Variants in CTNNA2 observed in about 807,000 individuals in gnomAD.
CTNNA2 encodes catenin alpha-2.
CTNNA2 carries 42 observed loss-of-function variants against 101.0 expected under a neutral mutation model. The ratio of observed to expected loss-of-function variants is 0.42; its 90% CI spans 0.32 to 0.54. The LOEUF (loss-of-function observed/expected upper bound fraction) is 0.54, where lower values mean the gene tolerates loss of function less well. CTNNA2 is among the 20% of genes least tolerant of loss of function. CTNNA2 has a pLI of 0.14. For synonymous variants in CTNNA2, 450 were observed against 456.4 expected (o/e 0.99, Z 0.18); for missense variants, 871 against 1,223.1 (o/e 0.71, Z 4.29).
chr2:79,650,113 G>T (rs1681114222), intron 1 of CTNNA2, among the ~76,000 whole-genome samples: 1 of 132,904 alleles, frequency 7.5e-6, no homozygotes, highest in African/African-American at 2.8e-5. Flanking sequence ...TTAGATGTCA[G>T]AATGTATTTA....
chr2:80,100,497 C>T (rs182229594), intron 7 of CTNNA2, among the ~76,000 whole-genome samples: 83 of 152,296 alleles, frequency 5.4e-4, no homozygotes, highest in Admixed American at 1.7e-3. Flanking sequence ...CTTCACAGAA[C>T]GTCTTCAAGC....
intron 9 of CTNNA2, among the ~76,000 whole-genome samples, chr2:80,421,672 AT>A (rs529198634): frequency 6.3e-4 from 96 of 152,088 alleles, no homozygotes; most frequent in African/African-American, 2.3e-3. Flanking sequence ...TATTCCCTTC[AT>A]TTCCCATGGA....
intron 17 of CTNNA2, among the ~76,000 whole-genome samples, chr2:80,611,836 A>G (rs973152722): frequency 4.0e-5 from 6 of 151,662 alleles, no homozygotes; most frequent in African/African-American, 1.4e-4. Flanking sequence ...CAGGAGCTTC[A>G]TTATAACAAT....
intron 7 of CTNNA2, among the ~76,000 whole-genome samples, chr2:80,370,263 T>A (rs1454656087): frequency 6.6e-6 from 1 of 151,808 alleles, no homozygotes; most frequent in Non-Finnish European, 1.5e-5. Flanking sequence ...GGTGTGTGTG[T>A]GTGTGTATGT....
At chr2:79,820,839 T>TA (rs1677942861) in intron 3 of CTNNA2, among the ~76,000 whole-genome samples, 1 of 152,188 alleles carries the variant, frequency 6.6e-6, no homozygotes, top group East Asian at 1.9e-4. Flanking sequence ...ACATTCAATA[T>TA]TTACCTCATC....
chr2:79,537,566 G>A (rs1673147984), intron 1 of CTNNA2, among the ~76,000 whole-genome samples: 1 of 152,104 alleles, frequency 6.6e-6, no homozygotes, highest in South Asian at 2.1e-4. Context: ...AACGGTTAAG[G>A]TATTTTCCCC....
rs191975610 is a variant in CTNNA2 at position 79,191,468 on chromosome 2, C to A, written c.-524+6037C>A. Among the ~76,000 whole-genome samples, 224 of 152,318 alleles carry A rather than the reference C, an allele frequency of 1.5e-3. 2 individuals are homozygous for A. Among genetic ancestry groups the A allele is most frequent in the African/African-American group, 5.1e-3 (211 of 41,570 alleles). On this transcript the variant is annotated intron_variant, in intron 1 of 21. Transcript: ENST00000466387. Reference sequence around the variant, plus strand: ...ATCTTATGTCATACAGAACCCAGCCCTGTTAAGATACCCACCCTAACCTTG... The same window carrying A: ...ATCTTATGTCATACAGAACCCAGCCATGTTAAGATACCCACCCTAACCTTG...
intron 18 of CTNNA2, among the ~76,000 whole-genome samples, chr2:80,645,518 C>T (rs1466085849): frequency 1.3e-5 from 2 of 152,106 alleles, no homozygotes; most frequent in African/African-American, 4.8e-5. Context: ...CAAACTTTGG[C>T]AAGTATCAGA....
chr2:80,583,293 C>G (rs1331589202), intron 14 of CTNNA2, among the ~76,000 whole-genome samples: 2 of 152,096 alleles, frequency 1.3e-5, no homozygotes, highest in African/African-American at 4.8e-5. Context: ...AAGAGAAATC[C>G]TTTCCGATCA....
intron 9 of CTNNA2, among the ~76,000 whole-genome samples, chr2:80,436,372 T>C (rs994035962): frequency 3.3e-5 from 5 of 151,798 alleles, no homozygotes; most frequent in Non-Finnish European, 7.4e-5. Context: ...AGGTCATTTC[T>C]GTAATGTTCA....
chr2:79,984,459 T>C lies in CTNNA2; in HGVS notation c.1056+74662T>C, dbSNP rs60533748. 1.6e-4 allele frequency among the ~76,000 whole-genome samples: 24 copies of C among 152,338 alleles called. No homozygotes were observed. In the East Asian group the frequency reaches 3.7e-3, roughly 23 times the overall value. ...TCTGTTTTACCTTAAACCCTGATTT[T>C]CCACATTTTTCTTTACAAGGCATCC... is the stretch of plus-strand genomic sequence containing the variant. On this transcript the variant is annotated intron_variant, in intron 7 of 18. Transcript: ENST00000402739.
At chr2:79,565,983 C>T (rs753825683) in intron 1 of CTNNA2, among the ~76,000 whole-genome samples, 6 of 151,908 alleles carry the variant, frequency 3.9e-5, no homozygotes, top group Non-Finnish European at 7.4e-5. Flanking sequence ...ATGAAACAGC[C>T]CGAAAAGACA....
intron 7 of CTNNA2, among the ~76,000 whole-genome samples, chr2:80,060,523 C>T (rs575675353): frequency 1.3e-3 from 199 of 152,320 alleles, no homozygotes; most frequent in Non-Finnish European, 2.4e-3. Flanking sequence ...GACCCCATGA[C>T]CTGGCTCCTC....
chr2:79,325,065 G>T lies in CTNNA2; in HGVS notation c.-318+12269G>T, dbSNP rs541911699. ...GCTATCTTCTGAAACGCAAAGGATG[G>T]TCTCATTTTTATTGGAAGATTAAGA... On this transcript the variant is annotated intron_variant, in intron 3 of 21. Transcript: ENST00000466387. Among the ~76,000 whole-genome samples, 298 of 152,250 alleles carry T rather than the reference G, an allele frequency of 2.0e-3. 1 individual carries two copies. Among genetic ancestry groups the T allele is most frequent in the Non-Finnish European group, 2.7e-3 (184 of 68,024 alleles).
At chr2:79,590,220 G>A (rs750217358) in intron 1 of CTNNA2, among the ~76,000 whole-genome samples, 3 of 152,156 alleles carry the variant, frequency 2.0e-5, no homozygotes, top group Non-Finnish European at 2.9e-5. Context: ...GCTGAAACAT[G>A]TATACTTAAC....
chr2:80,331,989 A>G (rs1013296896), intron 7 of CTNNA2, among the ~76,000 whole-genome samples: 10 of 152,158 alleles, frequency 6.6e-5, no homozygotes, highest in Non-Finnish European at 1.2e-4. Context: ...TGGAGGTACC[A>G]TTCCCGTGCA....
At chr2:79,728,252 T>G (rs911946477) in intron 2 of CTNNA2, among the ~76,000 whole-genome samples, 1 of 152,146 alleles carries the variant, frequency 6.6e-6, no homozygotes, top group African/African-American at 2.4e-5. Flanking sequence ...GTTTCCTGAC[T>G]TTTTAATGAT....
chr2:80,310,694 T>C (rs986468615), intron 7 of CTNNA2, among the ~76,000 whole-genome samples: 9 of 152,200 alleles, frequency 5.9e-5, no homozygotes, highest in African/African-American at 2.2e-4. Flanking sequence ...CATGTGTGTA[T>C]TTCTCATGAA....
chr2:80,419,006 G>T (rs1364261008), intron 8 of CTNNA2, among the ~76,000 whole-genome samples: 4 of 152,192 alleles, frequency 2.6e-5, no homozygotes, highest in East Asian at 3.9e-4. Context: ...TCTAGAATGG[G>T]CAGGAGACTG....
Sources: allele counts gnomAD v4.1 joint callset (sites outside exome capture counted in the v4.1 genomes callset), GRCh38; gene constraint gnomAD v4.1.1; transcripts MANE v1.5; gene names NCBI Gene and HGNC (gene_info 2026-07-23, HGNC 2026-07-21).